ABTB2: variants seen among roughly 807,000 people sequenced by gnomAD.
The protein encoded by ABTB2 is ankyrin repeat and BTB/POZ domain-containing protein 2.
ABTB2 carries 56 observed loss-of-function variants against 104.1 expected under a neutral mutation model. That is an observed-to-expected ratio of 0.54 (90% CI 0.43 to 0.67). The LOEUF (loss-of-function observed/expected upper bound fraction) is 0.67. Among genes scored for constraint, ABTB2 ranks in the 30% least tolerant of loss-of-function variants. ABTB2 has a pLI of 0.00. For synonymous variants in ABTB2, 606 were observed against 608.2 expected, an observed-to-expected ratio of 1.00 and a Z score of 0.05; for missense variants, 1,279 against 1,407.7, an observed-to-expected ratio of 0.91 and a Z score of 1.46.
chr11:34,197,336 C>T lies in ABTB2; in HGVS notation c.1233G>A (p.Leu411=), dbSNP rs1438752232. The change falls in exon 3 of 17, where the codon TTG becomes TTA. Residue 411 remains leucine, a synonymous_variant. Transcript: ENST00000435224. ...AGGAAGATCCCTACCGTTCATTGTT[C>T]AAGGTCATTCTCGGGGGGTCCAGGT... ...NPNLDPPRMT[L]NNERPFMLLP... The T allele has an allele frequency of 6.2e-7, 1 of 1,614,128 alleles. No homozygotes were observed. Among genetic ancestry groups the T allele is most frequent in the South Asian group, 1.1e-5 (1 of 91,070 alleles).
intron 1 of ABTB2, among the ~76,000 whole-genome samples, chr11:34,303,065 A>G (rs1854727144): frequency 6.6e-6 from 1 of 152,212 alleles, no homozygotes; most frequent in East Asian, 1.9e-4. Context: ...CAGAGGCCAC[A>G]GAACACTTTC....
chr11:34,351,896 C>G lies in ABTB2; in HGVS notation c.883+4805G>C, dbSNP rs1883736. Reference sequence around the variant, plus strand: ...GAACAACTCTACCTTGTTCCTCTTACTACTTAAGGCTAGGGTTGCCTTTCT... The same window carrying G: ...GAACAACTCTACCTTGTTCCTCTTAGTACTTAAGGCTAGGGTTGCCTTTCT... On this transcript the variant is annotated intron_variant, in intron 1 of 16. Transcript: ENST00000435224. Among the ~76,000 whole-genome samples, 6 of 151,858 alleles carry G rather than the reference C, an allele frequency of 4.0e-5. No individual in the cohort carries two copies. In the East Asian group the frequency reaches 1.2e-3, roughly 29 times the overall value.
chr11:34,153,632 C>T (rs1852580077), intron 16 of ABTB2, among the ~76,000 whole-genome samples: 1 of 152,212 alleles, frequency 6.6e-6, no homozygotes, highest in Non-Finnish European at 1.5e-5. Flanking sequence ...GTGTGAGCCA[C>T]TGTGCCTGGC....
intron 1 of ABTB2, among the ~76,000 whole-genome samples, chr11:34,210,366 AAC>A (rs1346871095): frequency 2.0e-5 from 3 of 152,202 alleles, no homozygotes; most frequent in African/African-American, 7.2e-5. Flanking sequence ...CAACAGTGGG[AAC>A]ACAGAGACCT....
chr11:34,330,367 A>G (rs1336396964), intron 1 of ABTB2, among the ~76,000 whole-genome samples: 1 of 152,196 alleles, frequency 6.6e-6, no homozygotes, highest in Admixed American at 6.5e-5. Flanking sequence ...TTCTTTGTAA[A>G]ATGGGAACAA....
At chr11:34,198,957 C>T (rs2467372) in intron 2 of ABTB2, among the ~76,000 whole-genome samples, 108,674 of 152,026 alleles carry the variant, frequency 0.71, 38,864 homozygotes, top group Middle Eastern at 0.81. Flanking sequence ...TTAATTTGGC[C>T]GGTGAAGTGC....
intron 1 of ABTB2, among the ~76,000 whole-genome samples, chr11:34,301,389 C>T (rs1854704105): frequency 6.6e-6 from 1 of 152,120 alleles, no homozygotes; most frequent in Non-Finnish European, 1.5e-5. Context: ...CGAATGATCA[C>T]TTGACTATAA....
Position 34,154,610 on chromosome 11 carries a change from G to A in ABTB2, c.2766+91C>T, listed in dbSNP as rs1162606738. The A allele has an allele frequency of 2.3e-6, 3 of 1,327,184 alleles. No individual in the cohort carries two copies. Among genetic ancestry groups the A allele is most frequent in the East Asian group, 4.6e-5 (2 of 43,438 alleles). The allele number at this position is 1,327,184 out of a possible 1,614,324, so 82.2% of individuals were successfully genotyped here. On this transcript the variant is annotated intron_variant, in intron 15 of 16. Coordinates refer to ENST00000435224, the MANE Select transcript of ABTB2 (RefSeq NM_145804.3). This position sits in a 1 kb window ranked among gnomAD's most constrained non-coding sequence, Gnocchi z 4.9. ...ACTGCTCTTCCTGTCAGATGGAGAG[G>A]AAGAGCCACCTTCCCTCTGAAGGGG...
intron 1 of ABTB2, among the ~76,000 whole-genome samples, chr11:34,263,668 C>G (rs958095910): frequency 2.6e-5 from 4 of 152,152 alleles, no homozygotes; most frequent in African/African-American, 9.7e-5. Flanking sequence ...TTTCCATTAC[C>G]AGCCCAGGGA....
intron 1 of ABTB2, chr11:34,335,054 G>A (rs1855177210): frequency 1.2e-5 from 9 of 758,816 alleles, no homozygotes; most frequent in Non-Finnish European, 2.3e-6. Context: ...GTCTGACAGT[G>A]TTTATAGATC....
intron 1 of ABTB2, among the ~76,000 whole-genome samples, chr11:34,310,171 CTCGAGAAGTAA>C (rs779571393): frequency 2.6e-4 from 39 of 152,166 alleles, no homozygotes; most frequent in Non-Finnish European, 4.3e-4. Context: ...CCAGGAAGGG[CTCGAGAAGTAA>C]TCCCTCATCC....
chr11:34,236,681 A>T (rs1394572101), intron 1 of ABTB2, among the ~76,000 whole-genome samples: 1 of 152,210 alleles, frequency 6.6e-6, no homozygotes, highest in Non-Finnish European at 1.5e-5. Flanking sequence ...TGAGATGCCG[A>T]TACATCAGGC....
At chr11:34,237,071 C>G (rs1318445967) in intron 1 of ABTB2, among the ~76,000 whole-genome samples, 1 of 152,136 alleles carries the variant, frequency 6.6e-6, no homozygotes, top group African/African-American at 2.4e-5. Context: ...ATATGTACCT[C>G]TGGATCATCT....
intron 1 of ABTB2, among the ~76,000 whole-genome samples, chr11:34,266,367 A>T (rs1011980426): frequency 3.9e-5 from 6 of 152,122 alleles, no homozygotes; most frequent in Non-Finnish European, 8.8e-5. Flanking sequence ...TTACAGGCAT[A>T]AGCCACTGCA....
chr11:34,349,874 G>A (rs1488360605), intron 1 of ABTB2, among the ~76,000 whole-genome samples: 1 of 152,180 alleles, frequency 6.6e-6, no homozygotes, highest in Non-Finnish European at 1.5e-5. Context: ...GCACGGAAGT[G>A]AAACAACTTG....
intron 1 of ABTB2, among the ~76,000 whole-genome samples, chr11:34,269,977 G>A (rs1590235811): frequency 6.6e-6 from 1 of 152,324 alleles, no homozygotes; most frequent in East Asian, 1.9e-4. Context: ...CAAGTCAAAT[G>A]TCCACTTAGC....
chr11:34,243,200 G>C (rs1260214063), intron 1 of ABTB2, among the ~76,000 whole-genome samples: 2 of 152,074 alleles, frequency 1.3e-5, no homozygotes, highest in Non-Finnish European at 2.9e-5. Context: ...GCAAAGAGAC[G>C]TGTGAGAACA....
intron 1 of ABTB2, among the ~76,000 whole-genome samples, chr11:34,286,662 C>A (rs941243039): frequency 6.6e-6 from 1 of 152,144 alleles, no homozygotes; most frequent in African/African-American, 2.4e-5. Flanking sequence ...CTTCCAGCAT[C>A]CACCTCTAGA....
intron 1 of ABTB2, among the ~76,000 whole-genome samples, chr11:34,296,611 G>A (rs1590245576): frequency 6.6e-6 from 1 of 152,248 alleles, no homozygotes; most frequent in Non-Finnish European, 1.5e-5. Flanking sequence ...TGAGGTGGGA[G>A]TTGTGCAAAG....
Sources: gnomAD v4.1 joint callset for allele counts (sites outside exome capture counted in the v4.1 genomes callset) on GRCh38, gnomAD v4.1.1 for gene constraint, Gnocchi (gnomAD v3.1) non-coding constraint, MANE v1.5 for transcripts, NCBI Gene and HGNC (gene_info 2026-07-23, HGNC 2026-07-21) for gene names.